The following CDH13 variants were observed in gnomAD, a reference collection of about 807,000 sequenced individuals.
The protein encoded by CDH13 is cadherin-13.
A neutral mutation model predicts 63.8 loss-of-function variants in CDH13; 24 were observed. The observed-to-expected ratio is 0.38, with a 90% CI of 0.27 to 0.53. The LOEUF is 0.53. Among genes scored for constraint, CDH13 ranks in the 20% least tolerant of loss-of-function variants. The pLI is 0.85. For synonymous variants in CDH13, 503 were observed against 355.3 expected (o/e 1.42, Z -4.67); for missense variants, 1,049 against 903.1 (o/e 1.16, Z -2.07).
intron 6 of CDH13, among the ~76,000 whole-genome samples, chr16:83,469,000 G>T (rs1389355599): frequency 6.6e-6 from 1 of 152,180 alleles, no homozygotes; most frequent in Non-Finnish European, 1.5e-5. Flanking sequence ...TAGGCTGCAG[G>T]AACAGGTGCA....
intron 2 of CDH13, among the ~76,000 whole-genome samples, chr16:82,997,006 TG>T (rs1250356505): frequency 1.8e-4 from 26 of 145,032 alleles, no homozygotes; most frequent in African/African-American, 7.4e-4. Flanking sequence ...ATGATGATAG[TG>T]ATGGTGATGG....
intron 4 of CDH13, among the ~76,000 whole-genome samples, chr16:83,151,554 A>G (rs1038357423): frequency 2.0e-5 from 3 of 152,228 alleles, no homozygotes; most frequent in Non-Finnish European, 4.4e-5. Context: ...GGATTTGGAC[A>G]AGAAGTTCTA....
At chr16:83,779,834 G>T (rs1915394636) in intron 11 of CDH13, 134 bp from the exon 12 acceptor site, 3 of 628,668 alleles carry the variant, frequency 4.8e-6, no homozygotes, top group Non-Finnish European at 8.2e-6. Context: ...TTCCAGTCTG[G>T]GCGATAGAGT....
At chr16:83,775,602 A>G (rs1304698372) in intron 11 of CDH13, among the ~76,000 whole-genome samples, 1 of 152,030 alleles carries the variant, frequency 6.6e-6, no homozygotes, top group Non-Finnish European at 1.5e-5. Flanking sequence ...GTTTTGCTCA[A>G]ATTGACCTGT....
intron 4 of CDH13, among the ~76,000 whole-genome samples, chr16:83,139,849 A>C (rs2036454997): frequency 6.6e-6 from 1 of 152,204 alleles, no homozygotes; most frequent in African/African-American, 2.4e-5. Flanking sequence ...CTAAAAATAC[A>C]AAATTAGTTA....
intron 5 of CDH13, among the ~76,000 whole-genome samples, chr16:83,322,375 T>C (rs1413868560): frequency 1.3e-5 from 2 of 152,222 alleles, no homozygotes; most frequent in African/African-American, 4.8e-5. Context: ...CTTTAGGGGA[T>C]ATTACTGTGG....
chr16:82,666,318 A>G (rs1230666431), intron 1 of CDH13, among the ~76,000 whole-genome samples: 1 of 152,192 alleles, frequency 6.6e-6, no homozygotes, highest in Non-Finnish European at 1.5e-5. Context: ...ATTTTAAGTA[A>G]CAGCACTGCT....
At chr16:83,011,002 C>T (rs992518489) in intron 2 of CDH13, among the ~76,000 whole-genome samples, 3 of 152,114 alleles carry the variant, frequency 2.0e-5, no homozygotes, top group Non-Finnish European at 2.9e-5. Context: ...GCAACATCGT[C>T]GCCTAATTTT....
intron 5 of CDH13, among the ~76,000 whole-genome samples, chr16:83,290,149 G>T (rs2089430980): frequency 6.6e-6 from 1 of 152,166 alleles, no homozygotes; most frequent in African/African-American, 2.4e-5. Flanking sequence ...CATATCGTTT[G>T]TTCATTCTCC....
intron 8 of CDH13, among the ~76,000 whole-genome samples, chr16:83,609,191 T>G (rs1453312884): frequency 6.6e-6 from 1 of 152,208 alleles, no homozygotes; most frequent in Non-Finnish European, 1.5e-5. Context: ...AGGATGGCTT[T>G]GAATGCGGCC....
chr16:83,298,261 G>C (rs562447123), intron 5 of CDH13, among the ~76,000 whole-genome samples: 1 of 151,928 alleles, frequency 6.6e-6, no homozygotes, highest in African/African-American at 2.4e-5. Context: ...GAGACAAAAT[G>C]AGATGAGACG....
intron 7 of CDH13, among the ~76,000 whole-genome samples, chr16:83,504,207 G>T (rs1331482035): frequency 6.6e-6 from 1 of 152,188 alleles, no homozygotes; most frequent in Non-Finnish European, 1.5e-5. Flanking sequence ...GAACAGGCTG[G>T]ATTTTAATCC....
At chr16:83,285,305 G>C in intron 5 of CDH13, among the ~76,000 whole-genome samples, 1 of 152,058 alleles carries the variant, frequency 6.6e-6, no homozygotes, top group Middle Eastern at 3.4e-3. Context: ...ATTTCTCCTT[G>C]GTATTTTATT....
intron 10 of CDH13, among the ~76,000 whole-genome samples, chr16:83,726,912 G>C (rs1910475546): frequency 6.6e-6 from 1 of 152,066 alleles, no homozygotes; most frequent in Admixed American, 6.5e-5. Flanking sequence ...ATCGAGGGAG[G>C]AGTGTTTGGT....
chr16:83,538,820 G>A (rs921887552), intron 7 of CDH13, among the ~76,000 whole-genome samples: 7 of 152,084 alleles, frequency 4.6e-5, no homozygotes, highest in Non-Finnish European at 8.8e-5. Flanking sequence ...ATCCAGCTTG[G>A]ATACCTGGAA....
chr16:83,691,805 G>T (rs1324370393), intron 10 of CDH13, among the ~76,000 whole-genome samples: 1 of 152,064 alleles, frequency 6.6e-6, no homozygotes, highest in African/African-American at 2.4e-5. Context: ...CCCTAACACA[G>T]CCAGGCTAGG....
intron 2 of CDH13, among the ~76,000 whole-genome samples, chr16:82,951,440 G>A (rs942681303): frequency 6.6e-6 from 1 of 152,328 alleles, no homozygotes; most frequent in Non-Finnish European, 1.5e-5. Flanking sequence ...GACTGAAGTA[G>A]GAAAGGACTT....
chr16:83,704,574 C>A (rs1391306355), intron 10 of CDH13, among the ~76,000 whole-genome samples: 1 of 152,198 alleles, frequency 6.6e-6, no homozygotes, highest in Admixed American at 6.5e-5. Context: ...AGCCCCGCTG[C>A]CACAGGCTCC....
intron 3 of CDH13, among the ~76,000 whole-genome samples, chr16:83,102,969 T>TGAGG: frequency 7.0e-6 from 1 of 143,016 alleles, no homozygotes; most frequent in Non-Finnish European, 1.5e-5. Flanking sequence ...TTTTTTTTTT[T>TGAGG]TGAGGTGGAG....
Sources: allele counts gnomAD v4.1 joint callset (sites outside exome capture counted in the v4.1 genomes callset), GRCh38; gene constraint gnomAD v4.1.1; transcripts MANE v1.5; gene names NCBI Gene and HGNC (gene_info 2026-07-23, HGNC 2026-07-21).